The following PPA1 variants were observed in gnomAD, a reference collection of about 807,000 sequenced individuals.
PPA1 encodes inorganic pyrophosphatase 1, also known as inorganic pyrophosphatase.
PPA1 carries 23 observed loss-of-function variants against 41.8 expected under a neutral mutation model. That is an observed-to-expected ratio of 0.55 (90% CI 0.40 to 0.78). PPA1 has a LOEUF of 0.78. Ranked by LOEUF, PPA1 falls within the 30% of genes least tolerant of loss-of-function variation. PPA1 has a pLI of 0.00. For missense variants in PPA1, 320 were observed against 361.6 expected (o/e 0.89, Z 0.93); for synonymous variants, 101 against 116.8 (o/e 0.86, Z 0.87).
Position 70,203,050 on chromosome 10 carries a change from A to T in PPA1, c.*105T>A. Reference sequence around the variant, plus strand: ...TCACAGCAGAATTTACTTTAGTTAGATGAGTTCTACAAATTTAAAGCTTTG... The same window carrying T: ...TCACAGCAGAATTTACTTTAGTTAGTTGAGTTCTACAAATTTAAAGCTTTG... On this transcript the variant is annotated 3_prime_UTR_variant, in exon 11 of 11. Coordinates refer to ENST00000373232, the MANE Select transcript of PPA1 (RefSeq NM_021129.4). 1 of 1,138,440 alleles carries T rather than the reference A, an allele frequency of 8.8e-7. No individual in the cohort carries two copies. Among genetic ancestry groups the T allele is most frequent in the Non-Finnish European group, 1.3e-6 (1 of 766,814 alleles). 70.5% of individuals were successfully genotyped at this position (1,138,440 alleles called of 1,614,324 possible).
intron 8 of PPA1, among the ~76,000 whole-genome samples, chr10:70,207,287 T>G (rs1375019126): frequency 6.6e-6 from 1 of 152,174 alleles, no homozygotes; most frequent in East Asian, 1.9e-4. Flanking sequence ...TTAAAAATAG[T>G]TTATCCTTCT....
intron 4 of PPA1, among the ~76,000 whole-genome samples, chr10:70,217,547 T>C (rs1840093133): frequency 6.6e-6 from 1 of 152,208 alleles, no homozygotes; most frequent in African/African-American, 2.4e-5. Context: ...AGAGAATTTA[T>C]ATAGCTTATA....
intron 2 of PPA1, among the ~76,000 whole-genome samples, chr10:70,229,842 T>C (rs749259207): frequency 5.3e-5 from 8 of 152,186 alleles, no homozygotes; most frequent in Non-Finnish European, 7.3e-5. Context: ...ACTCCTCCTC[T>C]CCTTCCCCAA....
At chr10:70,220,880 T>TAATTC (rs1236855455) in intron 2 of PPA1, among the ~76,000 whole-genome samples, 2 of 14,200 alleles carry the variant, frequency 1.4e-4, no homozygotes, top group African/African-American at 6.5e-4. Flanking sequence ...TAATATATAC[T>TAATTC]TTATATATAC....
intron 2 of PPA1, among the ~76,000 whole-genome samples, chr10:70,225,511 A>C (rs901439842): frequency 1.3e-5 from 2 of 152,210 alleles, no homozygotes; most frequent in South Asian, 2.1e-4. Context: ...CACGGCACCC[A>C]GCCCACCCCC....
chr10:70,205,203 T>C (rs1839923849), intron 9 of PPA1: 1 of 187,974 alleles, frequency 5.3e-6, no homozygotes, highest in African/African-American at 2.4e-5. Flanking sequence ...GCCAAGATGG[T>C]GAAACCCCGT....
chr10:70,226,925 AAAAAT>A (rs1163316776), intron 2 of PPA1, among the ~76,000 whole-genome samples: 1 of 152,264 alleles, frequency 6.6e-6, no homozygotes, highest in Non-Finnish European at 1.5e-5. Context: ...ATCACCTGAA[AAAAAT>A]AGAACCCTAC....
At chr10:70,214,367 C>T (rs1840054485) in intron 5 of PPA1, 133 bp downstream of exon 5, 1 of 702,692 alleles carries the variant, frequency 1.4e-6, no homozygotes, top group Admixed American at 3.0e-5. Context: ...ATGCAAGAAG[C>T]CTTTAATACC....
rs767618969 is a variant in PPA1 at position 70,206,848 on chromosome 10, GGAGGA to G, written c.726-520_726-516del. ...ACAGAGCAAGACTGCGTTGCAATAAGGAGGAGAGGAGAGGAGAGGAGGGGAGGGGA... is the reference window on the plus strand; with the variant it reads ...ACAGAGCAAGACTGCGTTGCAATAAGGAGGAGAGGAGAGGAGGGGAGGGGA... On this transcript the variant is annotated intron_variant, in intron 8 of 10. Coordinates refer to ENST00000373232, the MANE Select transcript of PPA1 (RefSeq NM_021129.4). 4.4e-3 allele frequency among the ~76,000 whole-genome samples: 446 copies of G among 102,126 alleles called. 9 individuals carry two copies. The highest frequency in any genetic ancestry group is 0.015 in the African/African-American group (345 of 23,194). The allele number at this position is 102,126 out of a possible 152,430, so 67.0% of individuals were successfully genotyped here. A position where few individuals can be genotyped will look rare whatever the true frequency, so the allele number is the denominator to read the frequency against.
At chr10:70,204,950 T>C in intron 9 of PPA1, 35 bp from the exon 10 acceptor site, 1 of 1,510,002 alleles carries the variant, frequency 6.6e-7, no homozygotes, top group South Asian at 1.2e-5. Context: ...ATTAGTCTAA[T>C]CTCATTTTTT....
intron 6 of PPA1, among the ~76,000 whole-genome samples, chr10:70,210,638 C>T (rs1840006832): frequency 1.3e-5 from 2 of 152,092 alleles, no homozygotes; most frequent in Non-Finnish European, 2.9e-5. Context: ...CAAACTCCTG[C>T]TCAATGCAAG....
At chr10:70,215,918 A>T (rs1470961421) in intron 4 of PPA1, among the ~76,000 whole-genome samples, 3 of 152,226 alleles carry the variant, frequency 2.0e-5, no homozygotes, top group African/African-American at 7.2e-5. Flanking sequence ...CTTGCAGAAC[A>T]TCTCACAAAA....
At chr10:70,209,429 A>T (rs188364540) in intron 7 of PPA1, 129 bp downstream of exon 7, 1 of 1,332,530 alleles carries the variant, frequency 7.5e-7, no homozygotes, top group African/African-American at 1.5e-5. Flanking sequence ...TAAAGTGAAT[A>T]AATAAACACC....
chr10:70,208,832 G>A (rs141399712), intron 8 of PPA1, among the ~76,000 whole-genome samples: 3,030 of 143,328 alleles, frequency 0.021, 48 homozygotes, highest in Non-Finnish European at 0.033. Flanking sequence ...TCGCTCTGTC[G>A]CCCAGGCTGG....
intron 2 of PPA1, among the ~76,000 whole-genome samples, chr10:70,219,583 G>A (rs982665269): frequency 6.6e-6 from 1 of 152,014 alleles, no homozygotes; most frequent in Non-Finnish European, 1.5e-5. Flanking sequence ...CTCCCAATTC[G>A]GCTGTTTTTA....
intron 6 of PPA1, chr10:70,210,481 C>T: frequency 1.6e-5 from 21 of 1,333,586 alleles, no homozygotes; most frequent in Non-Finnish European, 2.1e-5. Flanking sequence ...TTAAATGTGA[C>T]TAGACTTTGC....
intron 2 of PPA1, among the ~76,000 whole-genome samples, chr10:70,227,050 A>T (rs996986137): frequency 6.6e-6 from 1 of 152,374 alleles, no homozygotes; most frequent in South Asian, 2.1e-4. Context: ...TAAGATTTAG[A>T]GAAAGCTTTT....
At chr10:70,218,740 C>T in intron 3 of PPA1, 24 bp downstream of exon 3, 2 of 1,581,414 alleles carry the variant, frequency 1.3e-6, no homozygotes, top group African/African-American at 1.3e-5. Context: ...CTAAGTCTGA[C>T]TCAAATGTAA....
At chr10:70,218,708 T>C in intron 3 of PPA1, 56 bp downstream of exon 3, 1 of 1,343,958 alleles carries the variant, frequency 7.4e-7, no homozygotes, top group Non-Finnish European at 1.1e-6. Flanking sequence ...CAAGTCAGTG[T>C]GACTAGATCA....
Sources: gnomAD v4.1 joint callset for allele counts (sites outside exome capture counted in the v4.1 genomes callset) on GRCh38, gnomAD v4.1.1 for gene constraint, MANE v1.5 for transcripts, NCBI Gene and HGNC (gene_info 2026-07-23, HGNC 2026-07-21) for gene names.